Variants in SLC17A1 observed in about 807,000 individuals in gnomAD.
SLC17A1 encodes solute carrier family 17 member 1.
Under a neutral mutation model 53.5 loss-of-function variants are expected in SLC17A1, and 51 were observed. The observed-to-expected ratio is 0.95, with a 90% confidence interval of 0.76 to 1.20. SLC17A1 has a LOEUF of 1.20. Ranked by LOEUF, SLC17A1 falls within the 50% of genes most tolerant of loss-of-function variation. The pLI is 0.00. For missense variants in SLC17A1, 538 were observed against 568.2 expected (o/e 0.95, Z 0.54); for synonymous variants, 179 against 198.8 (o/e 0.90, Z 0.84).
intron 6 of SLC17A1, among the ~76,000 whole-genome samples, chr6:25,817,812 T>G (rs1764413032): frequency 6.6e-6 from 1 of 152,254 alleles, no homozygotes; most frequent in African/African-American, 2.4e-5. Context: ...CTACAAGGTA[T>G]GTTCTCTCAA....
chr6:25,798,594 T>C (rs753631409), intron 12 of SLC17A1, 189 bp downstream of exon 12: 3 of 429,480 alleles, frequency 7.0e-6, no homozygotes, highest in Non-Finnish European at 1.2e-5. Context: ...CAAATTTATA[T>C]CTCCAGCCTT....
At chr6:25,738,911 T>G in the SLC17A1 span, among the ~76,000 whole-genome samples, 2 of 152,312 alleles carry the variant, frequency 1.3e-5, no homozygotes, top group Middle Eastern at 6.8e-3. Flanking sequence ...ATGGGAAAAC[T>G]TGATCTCCCA....
chr6:25,822,389 T>C (rs1407406162), intron 3 of SLC17A1, among the ~76,000 whole-genome samples: 3 of 152,242 alleles, frequency 2.0e-5, no homozygotes, highest in African/African-American at 7.2e-5. Flanking sequence ...TCCATAGCTA[T>C]AACTGCTTTA....
At chr6:25,738,848 C>G in the SLC17A1 span, among the ~76,000 whole-genome samples, 1 of 152,146 alleles carries the variant, frequency 6.6e-6, no homozygotes, top group Admixed American at 6.6e-5. Flanking sequence ...TCACTACACA[C>G]TTACTGGGCA....
At chr6:25,725,210 T>C in the SLC17A1 span, among the ~76,000 whole-genome samples, 1 of 152,228 alleles carries the variant, frequency 6.6e-6, no homozygotes, top group African/African-American at 2.4e-5. Flanking sequence ...CATATACTCT[T>C]CCAAATTTCT....
chr6:25,781,606 G>A (rs1375082726), downstream of SLC17A1, among the ~76,000 whole-genome samples: 6 of 152,262 alleles, frequency 3.9e-5, no homozygotes, highest in East Asian at 1.9e-4. Context: ...TGCATCTGGC[G>A]AGGGCCTCAG....
At chr6:25,773,701 T>A in the SLC17A1 span, 1 of 1,605,022 alleles carries the variant, frequency 6.2e-7, no homozygotes. Context: ...CTCATTCTGA[T>A]CTTCTGTTTA....
intron 3 of SLC17A1, among the ~76,000 whole-genome samples, chr6:25,822,620 T>C (rs968518600): frequency 6.6e-6 from 1 of 152,168 alleles, no homozygotes; most frequent in Non-Finnish European, 1.5e-5. Context: ...AGAGAAATCT[T>C]TCAAGCTCTA....
At chr6:25,768,992 T>C in the SLC17A1 span, 1 of 1,614,040 alleles carries the variant, frequency 6.2e-7, no homozygotes. Flanking sequence ...CAGGTTTTTG[T>C]TCAGTCCGAC....
chr6:25,736,073 A>G, the SLC17A1 span, among the ~76,000 whole-genome samples: 13 of 150,844 alleles, frequency 8.6e-5, no homozygotes, highest in Non-Finnish European at 1.8e-4. Context: ...TAAAGGTGAC[A>G]TCAGAAATAA....
the SLC17A1 span, among the ~76,000 whole-genome samples, chr6:25,759,476 GC>G: frequency 6.6e-6 from 1 of 152,062 alleles, no homozygotes; most frequent in African/African-American, 2.4e-5. Flanking sequence ...AAACTTAAGA[GC>G]TCCAGTGTTA....
chr6:25,804,755 G>T (rs573612695), intron 10 of SLC17A1, among the ~76,000 whole-genome samples: 1 of 152,066 alleles, frequency 6.6e-6, no homozygotes, highest in East Asian at 1.9e-4. Context: ...ATAAAACAGA[G>T]TTGAAAGCCA....
chr6:25,813,653 T>C (rs1240452468), intron 6 of SLC17A1, among the ~76,000 whole-genome samples: 1 of 152,194 alleles, frequency 6.6e-6, no homozygotes, highest in Non-Finnish European at 1.5e-5. Flanking sequence ...GGGTTTATTG[T>C]ACAGATTATT....
chr6:25,813,735 C>T (rs890271309), intron 6 of SLC17A1, among the ~76,000 whole-genome samples: 1 of 152,174 alleles, frequency 6.6e-6, no homozygotes, highest in African/African-American at 2.4e-5. Flanking sequence ...CCACCCTCTA[C>T]CCAGTGGTAG....
At chr6:25,815,026 C>G (rs1378220966) in intron 6 of SLC17A1, among the ~76,000 whole-genome samples, 1 of 142,864 alleles carries the variant, frequency 7.0e-6, no homozygotes, top group Non-Finnish European at 1.5e-5. Flanking sequence ...CACACACACA[C>G]ACACAAAGAA....
chr6:25,808,258 A>T (rs907588653), intron 10 of SLC17A1, among the ~76,000 whole-genome samples: 3 of 152,038 alleles, frequency 2.0e-5, no homozygotes, highest in Admixed American at 2.0e-4. Flanking sequence ...ACCAAATGCC[A>T]TATGTTTTTC....
the SLC17A1 span, among the ~76,000 whole-genome samples, chr6:25,746,160 T>C: frequency 1.3e-5 from 2 of 152,184 alleles, no homozygotes; most frequent in African/African-American, 4.8e-5. Context: ...ATTACCTGTC[T>C]TATCAAATTA....
At chr6:25,751,375 GT>G in the SLC17A1 span, among the ~76,000 whole-genome samples, 1 of 152,186 alleles carries the variant, frequency 6.6e-6, no homozygotes, top group Non-Finnish European at 1.5e-5. Context: ...TTATATGACT[GT>G]TCAAAAATTT....
the SLC17A1 span, chr6:25,727,443 GTGCAGT>G: frequency 1.5e-6 from 1 of 657,346 alleles, no homozygotes; most frequent in Non-Finnish European, 2.4e-6. Flanking sequence ...CCAGGCTGGA[GTGCAGT>G]GGCGGAATCT....
Sources: allele counts gnomAD v4.1 joint callset (sites outside exome capture counted in the v4.1 genomes callset), GRCh38; gene constraint gnomAD v4.1.1; transcripts MANE v1.5; gene names NCBI Gene and HGNC (gene_info 2026-07-23, HGNC 2026-07-21).